HMGCLL1: variants seen among roughly 807,000 people sequenced by gnomAD.
HMGCLL1 encodes the protein 3-hydroxymethyl-3-methylglutaryl-CoA lyase, cytoplasmic.
HMGCLL1 carries 36 observed loss-of-function variants against 39.1 expected under a neutral mutation model. The observed-to-expected ratio is 0.92, with a 90% CI of 0.71 to 1.22. The LOEUF (loss-of-function observed/expected upper bound fraction) is 1.22. HMGCLL1 is among the 50% of genes most tolerant of loss of function. The pLI is 0.00. For missense variants in HMGCLL1, 451 were observed against 416.5 expected (o/e 1.08, Z -0.72); for synonymous variants, 149 against 144.0 (o/e 1.03, Z -0.25).
chr6:55,585,930 A>C, the HMGCLL1 span, among the ~76,000 whole-genome samples: 1 of 152,264 alleles, frequency 6.6e-6, no homozygotes, highest in South Asian at 2.1e-4. Context: ...AATGCAAAGC[A>C]TATCTATTTT....
the HMGCLL1 span, among the ~76,000 whole-genome samples, chr6:55,664,547 T>C: frequency 6.6e-6 from 1 of 151,796 alleles, no homozygotes; most frequent in Non-Finnish European, 1.5e-5. Flanking sequence ...ATCCTATTTG[T>C]ATTTTTAAAC....
chr6:55,651,308 G>T, the HMGCLL1 span, among the ~76,000 whole-genome samples: 5 of 152,022 alleles, frequency 3.3e-5, no homozygotes, highest in Non-Finnish European at 7.4e-5. Context: ...TCCAGTAGTG[G>T]TGGCCACAGG....
intron 7 of HMGCLL1, among the ~76,000 whole-genome samples, chr6:55,452,192 C>T (rs1014060509): frequency 1.6e-4 from 25 of 152,230 alleles, no homozygotes; most frequent in African/African-American, 5.8e-4. Context: ...TCTCCTTAAA[C>T]CTTCTCCTCT....
At chr6:55,565,421 C>A (rs1452462923) in intron 1 of HMGCLL1, among the ~76,000 whole-genome samples, 1 of 151,990 alleles carries the variant, frequency 6.6e-6, no homozygotes, top group Admixed American at 6.6e-5. Flanking sequence ...TAATAATACT[C>A]TATTAATGGT....
intron 7 of HMGCLL1, among the ~76,000 whole-genome samples, chr6:55,488,847 C>T (rs1435199709): frequency 6.6e-6 from 1 of 151,908 alleles, no homozygotes; most frequent in Admixed American, 6.6e-5. Flanking sequence ...AGTCTAAACC[C>T]AGAGTTAGAA....
At chr6:55,440,671 T>G (rs1282247486) in intron 7 of HMGCLL1, among the ~76,000 whole-genome samples, 1 of 152,122 alleles carries the variant, frequency 6.6e-6, no homozygotes, top group Non-Finnish European at 1.5e-5. Context: ...ACATTTAAAA[T>G]GAGAAGCACC....
At chr6:55,666,905 T>C in the HMGCLL1 span, among the ~76,000 whole-genome samples, 2 of 151,432 alleles carry the variant, frequency 1.3e-5, no homozygotes, top group Non-Finnish European at 3.0e-5. Context: ...ACATTATACA[T>C]AGAAGCCAGG....
chr6:55,630,456 A>G, the HMGCLL1 span, among the ~76,000 whole-genome samples: 1 of 152,080 alleles, frequency 6.6e-6, no homozygotes, highest in Non-Finnish European at 1.5e-5. Context: ...ATGAGACTTC[A>G]GACTGTGGAC....
intron 1 of HMGCLL1, chr6:55,577,276 G>C: frequency 1.4e-6 from 2 of 1,389,120 alleles, no homozygotes; most frequent in Non-Finnish European, 1.9e-6. Context: ...AACTAAAACA[G>C]AATTATTTTT....
chr6:55,533,254 G>A (rs1768790841), intron 3 of HMGCLL1, among the ~76,000 whole-genome samples: 2 of 150,400 alleles, frequency 1.3e-5, no homozygotes, highest in African/African-American at 5.0e-5. Context: ...TCCAAAATAT[G>A]TACTATTATT....
chr6:55,658,347 T>A, the HMGCLL1 span, among the ~76,000 whole-genome samples: 1 of 151,958 alleles, frequency 6.6e-6, no homozygotes, highest in Admixed American at 6.6e-5. Flanking sequence ...TTGCTAATAC[T>A]CCCAACAAAA....
At chr6:55,641,027 C>CTTTAT in the HMGCLL1 span, among the ~76,000 whole-genome samples, 1 of 151,012 alleles carries the variant, frequency 6.6e-6, no homozygotes, top group Admixed American at 6.6e-5. Context: ...AATATAAAGC[C>CTTTAT]ATTAAGAAAT....
chr6:55,516,191 A>C (rs749076444), intron 4 of HMGCLL1, among the ~76,000 whole-genome samples: 1 of 152,104 alleles, frequency 6.6e-6, no homozygotes, highest in Admixed American at 6.6e-5. Context: ...AATTGCATTG[A>C]AAAATGCTTA....
At chr6:55,553,139 ATC>A (rs111529086) in intron 1 of HMGCLL1, among the ~76,000 whole-genome samples, 37,839 of 132,332 alleles carry the variant, frequency 0.29, 5,291 homozygotes, top group Admixed American at 0.35. Flanking sequence ...GCAAAACTCC[ATC>A]TCTCTCTCTC....
intron 1 of HMGCLL1, among the ~76,000 whole-genome samples, chr6:55,553,272 T>C (rs1770466629): frequency 6.7e-6 from 1 of 150,026 alleles, no homozygotes; most frequent in Admixed American, 6.6e-5. Context: ...TGTGTGTGTA[T>C]GTATGTATGT....
At chr6:55,498,090 C>T (rs1027016522) in intron 6 of HMGCLL1, among the ~76,000 whole-genome samples, 3 of 152,034 alleles carry the variant, frequency 2.0e-5, no homozygotes, top group African/African-American at 4.8e-5. Flanking sequence ...CTTAGGCGTT[C>T]GGGTACAGAA....
At chr6:55,499,429 T>C (rs1766762425) in intron 5 of HMGCLL1, 130 bp from the exon 6 acceptor site, 2 of 595,052 alleles carry the variant, frequency 3.4e-6, no homozygotes, top group South Asian at 6.9e-5. Flanking sequence ...TATTATTTTG[T>C]CATTGGACCA....
intron 3 of HMGCLL1, among the ~76,000 whole-genome samples, chr6:55,523,761 G>A (rs9791306): frequency 0.57 from 87,079 of 151,656 alleles, 25,333 homozygotes; most frequent in Admixed American, 0.64. Flanking sequence ...ACTGGCACCA[G>A]AAGTATGTAA....
At chr6:55,625,677 T>A in the HMGCLL1 span, among the ~76,000 whole-genome samples, 1 of 152,118 alleles carries the variant, frequency 6.6e-6, no homozygotes, top group African/African-American at 2.4e-5. Context: ...GGAGAAATAG[T>A]CAGATTTGCA....
Sources: gnomAD v4.1 joint callset for allele counts (sites outside exome capture counted in the v4.1 genomes callset) on GRCh38, gnomAD v4.1.1 for gene constraint, MANE v1.5 for transcripts, NCBI Gene and HGNC (gene_info 2026-07-23, HGNC 2026-07-21) for gene names.